Variants in CELF4 observed in about 807,000 individuals in gnomAD.
CELF4 encodes CUGBP Elav-like family member 4, also known as CUG-BP- and ETR-3-like factor 4.
In CELF4, 18 loss-of-function variants were observed where a neutral mutation model predicts 59.9. The ratio of observed to expected loss-of-function variants is 0.30; its 90% CI spans 0.21 to 0.45. The LOEUF is 0.45. CELF4 is among the 20% of genes least tolerant of loss of function. CELF4 has a pLI of 1.00. For synonymous variants in CELF4, 261 were observed against 267.1 expected, an observed-to-expected ratio of 0.98 and a Z score of 0.22; for missense variants, 456 against 689.0, an observed-to-expected ratio of 0.66 and a Z score of 3.79.
At chr18:37,404,143 G>A (rs528953133) in intron 2 of CELF4, among the ~76,000 whole-genome samples, 2 of 152,342 alleles carry the variant, frequency 1.3e-5, no homozygotes, top group East Asian at 3.9e-4. Flanking sequence ...GCAGGCCTGA[G>A]CCAGCAAGTT....
At chr18:37,476,761 G>A (rs1476562850) in intron 2 of CELF4, among the ~76,000 whole-genome samples, 1 of 152,122 alleles carries the variant, frequency 6.6e-6, no homozygotes, top group East Asian at 1.9e-4. Flanking sequence ...TCGTTTTCTG[G>A]CGAAAGGTCA....
At chr18:37,458,542 C>A (rs976455609) in intron 2 of CELF4, among the ~76,000 whole-genome samples, 4 of 152,180 alleles carry the variant, frequency 2.6e-5, no homozygotes, top group Admixed American at 6.5e-5. Context: ...ACATAGGAGA[C>A]CTTGTTACAG....
chr18:37,293,022 T>A (rs112873670), intron 3 of CELF4, among the ~76,000 whole-genome samples: 1 of 152,176 alleles, frequency 6.6e-6, no homozygotes, highest in African/African-American at 2.4e-5. Flanking sequence ...GTGGTTCAGG[T>A]GGATAGAAGG....
At chr18:37,320,252 C>T (rs929349878) in intron 3 of CELF4, among the ~76,000 whole-genome samples, 1 of 146,962 alleles carries the variant, frequency 6.8e-6, no homozygotes, top group East Asian at 2.1e-4. Flanking sequence ...AGGAGAATGG[C>T]GTGAACCCGG....
intron 1 of CELF4, among the ~76,000 whole-genome samples, chr18:37,558,188 G>A (rs2099985386): frequency 6.6e-6 from 1 of 151,586 alleles, no homozygotes; most frequent in Non-Finnish European, 1.5e-5. Context: ...TACTTTTGAG[G>A]ACTCAAAAAT....
chr18:37,274,011 G>C, intron 6 of CELF4: 1 of 1,228,692 alleles, frequency 8.1e-7, no homozygotes, highest in African/African-American at 1.6e-5. Context: ...GTTCAACGTT[G>C]ATCTGGCTGA....
At chr18:37,397,868 G>A (rs1307440642) in intron 2 of CELF4, among the ~76,000 whole-genome samples, 1 of 152,198 alleles carries the variant, frequency 6.6e-6, no homozygotes, top group African/African-American at 2.4e-5. Context: ...CCCAGACCCT[G>A]GGTGGAGTGG....
chr18:37,329,951 T>C (rs2097478890), intron 2 of CELF4, among the ~76,000 whole-genome samples: 1 of 152,150 alleles, frequency 6.6e-6, no homozygotes, highest in African/African-American at 2.4e-5. Flanking sequence ...TCATCAGGTG[T>C]TTTAAGCATT....
intron 1 of CELF4, among the ~76,000 whole-genome samples, chr18:37,532,486 A>G (rs925888149): frequency 6.6e-6 from 1 of 152,266 alleles, no homozygotes; most frequent in Non-Finnish European, 1.5e-5. Flanking sequence ...AACAGCATTC[A>G]GATGAAAGAC....
intron 2 of CELF4, among the ~76,000 whole-genome samples, chr18:37,362,746 C>T (rs2098725510): frequency 6.6e-6 from 1 of 152,210 alleles, no homozygotes; most frequent in Non-Finnish European, 1.5e-5. Context: ...TTCTCTCCCT[C>T]TCTTGCCAGT....
intron 2 of CELF4, among the ~76,000 whole-genome samples, chr18:37,444,473 C>A (rs1001577516): frequency 2.0e-5 from 3 of 152,054 alleles, no homozygotes; most frequent in Admixed American, 6.6e-5. Context: ...ATGGTGAGGT[C>A]ACTTATGAAT....
At chr18:37,562,084 A>G (rs2099986711) in intron 1 of CELF4, among the ~76,000 whole-genome samples, 1 of 151,938 alleles carries the variant, frequency 6.6e-6, no homozygotes. Context: ...GGGTAAATTT[A>G]CCTTTACAGT....
intron 2 of CELF4, among the ~76,000 whole-genome samples, chr18:37,419,496 G>A (rs2099555942): frequency 6.6e-6 from 1 of 152,158 alleles, no homozygotes; most frequent in Admixed American, 6.5e-5. Flanking sequence ...ATGTTGTCAG[G>A]CCTGGGAACT....
At chr18:37,284,396 C>T (rs957027037) in intron 3 of CELF4, among the ~76,000 whole-genome samples, 2 of 152,108 alleles carry the variant, frequency 1.3e-5, no homozygotes, top group Non-Finnish European at 2.9e-5. Flanking sequence ...TCTCCTCTGA[C>T]CTCTGGGAGC....
intron 2 of CELF4, among the ~76,000 whole-genome samples, chr18:37,337,502 T>C (rs144358447): frequency 6.6e-6 from 1 of 152,308 alleles, no homozygotes; most frequent in Non-Finnish European, 1.5e-5. Flanking sequence ...CTGTTCCTGA[T>C]GGCATTCATT....
chr18:37,308,604 G>C (rs1421655889), intron 3 of CELF4, among the ~76,000 whole-genome samples: 1 of 152,186 alleles, frequency 6.6e-6, no homozygotes. Context: ...CCATGTATCT[G>C]TCTGTCATCG....
chr18:37,269,871 G>A (rs1332332973), intron 8 of CELF4, among the ~76,000 whole-genome samples: 2 of 152,190 alleles, frequency 1.3e-5, no homozygotes, highest in Non-Finnish European at 1.5e-5. Flanking sequence ...CCAGGCGATA[G>A]GTCCATGTCC....
intron 3 of CELF4, among the ~76,000 whole-genome samples, chr18:37,289,516 C>A (rs980835397): frequency 6.6e-6 from 1 of 152,214 alleles, no homozygotes; most frequent in Non-Finnish European, 1.5e-5. Context: ...GGTGAAGGCC[C>A]CCGCTTGCTA....
At chr18:37,536,965 G>C (rs2099974019) in intron 1 of CELF4, among the ~76,000 whole-genome samples, 1 of 152,206 alleles carries the variant, frequency 6.6e-6, no homozygotes, top group Non-Finnish European at 1.5e-5. Flanking sequence ...GCCAAGGACA[G>C]ATGTGATCTG....
Sources: gnomAD v4.1 joint callset for allele counts (sites outside exome capture counted in the v4.1 genomes callset) on GRCh38, gnomAD v4.1.1 for gene constraint, MANE v1.5 for transcripts, NCBI Gene and HGNC (gene_info 2026-07-23, HGNC 2026-07-21) for gene names.